The following ALG12 variants were observed in gnomAD, a reference collection of about 807,000 sequenced individuals.
The protein encoded by ALG12 is ALG12 alpha-1,6-mannosyltransferase, also known as dol-P-Man:Man(7)GlcNAc(2)-PP-Dol alpha-1,6-mannosyltransferase.
ALG12 carries 36 observed loss-of-function variants against 46.0 expected under a neutral mutation model. The ratio of observed to expected loss-of-function variants is 0.78; its 90% CI spans 0.60 to 1.03. ALG12 has a LOEUF of 1.03. Among genes scored for constraint, ALG12 ranks in the 50% least tolerant of loss-of-function variants. ALG12 has a pLI of 0.00. For missense variants in ALG12, 599 were observed against 633.5 expected (o/e 0.95, Z 0.58); for synonymous variants, 326 against 291.6 (o/e 1.12, Z -1.20).
chr22:49,916,212 C>A (rs2060608421), intron 1 of ALG12, among the ~76,000 whole-genome samples: 1 of 152,106 alleles, frequency 6.6e-6, no homozygotes, highest in Admixed American at 6.6e-5. Flanking sequence ...GAGATCGCGC[C>A]ACTGCACTCC....
At chr22:49,898,274 C>T (rs2060491562), downstream of ALG12, among the ~76,000 whole-genome samples, 1 of 152,198 alleles carries the variant, frequency 6.6e-6, no homozygotes, top group African/African-American at 2.4e-5. Flanking sequence ...TCCCAAAGTA[C>T]TGGGATCGCA....
rs2146626595 is a variant in ALG12, at chr22:49,918,403, A to G, written c.-219T>C. ...AGTGGCTACCGCAGCCCCGGCCGCTACGGCCGCAGAGACCCTCTGTGCCCT... is the reference window on the plus strand; with the variant it reads ...AGTGGCTACCGCAGCCCCGGCCGCTGCGGCCGCAGAGACCCTCTGTGCCCT... On this transcript the variant is annotated 5_prime_UTR_variant, in exon 1 of 10. Transcript: ENST00000330817. 5.8e-6 allele frequency: 1 copy of G among 172,012 alleles called. No homozygotes were observed. Among genetic ancestry groups the G allele is most frequent in the Admixed American group, 6.3e-5 (1 of 15,882 alleles). 10.7% of individuals were successfully genotyped at this position (172,012 alleles called of 1,614,324 possible).
intron 3 of ALG12, among the ~76,000 whole-genome samples, chr22:49,910,818 G>A (rs1394570464): frequency 2.0e-5 from 3 of 152,238 alleles, no homozygotes; most frequent in Non-Finnish European, 1.5e-5. Context: ...CGCTCCTGTC[G>A]GGAACTGAGG....
At chr22:49,873,720 C>T in the ALG12 span, among the ~76,000 whole-genome samples, 1 of 152,180 alleles carries the variant, frequency 6.6e-6, no homozygotes, top group Non-Finnish European at 1.5e-5. Flanking sequence ...GTCTTCCCAC[C>T]TCATCACCCC....
At chr22:49,869,368 G>A in the ALG12 span, among the ~76,000 whole-genome samples, 25 of 152,286 alleles carry the variant, frequency 1.6e-4, no homozygotes, top group Admixed American at 6.5e-4. Flanking sequence ...TATCCACCTC[G>A]GGCCTTTTTG....
chr22:49,871,361 C>T, the ALG12 span, among the ~76,000 whole-genome samples: 6 of 152,044 alleles, frequency 3.9e-5, no homozygotes, highest in Non-Finnish European at 7.4e-5. Flanking sequence ...TGGCACGCAC[C>T]TGTAATCTCA....
At chr22:49,888,563 G>C in the ALG12 span, 1 of 167,264 alleles carries the variant, frequency 6.0e-6, no homozygotes, top group Non-Finnish European at 1.5e-5. Flanking sequence ...ACCCCAGACA[G>C]GGCTCCAGGG....
the ALG12 span, among the ~76,000 whole-genome samples, chr22:49,872,799 G>A: frequency 1.3e-5 from 2 of 151,980 alleles, no homozygotes; most frequent in East Asian, 3.9e-4. Context: ...CTGCCTCCCA[G>A]GTTCAAGCGA....
At chr22:49,896,448 A>G (rs985552937), downstream of ALG12, among the ~76,000 whole-genome samples, 4 of 152,146 alleles carry the variant, frequency 2.6e-5, no homozygotes, top group African/African-American at 9.7e-5. Context: ...TGCCATGTCC[A>G]TGGTCCCAAG....
the ALG12 span, among the ~76,000 whole-genome samples, chr22:49,878,120 C>T: frequency 1.8e-4 from 27 of 152,134 alleles, 2 homozygotes; most frequent in Admixed American, 7.2e-4. Flanking sequence ...TCCTGGCCAA[C>T]GTGGTGAAAC....
the ALG12 span, among the ~76,000 whole-genome samples, chr22:49,890,947 G>A: frequency 0.031 from 4,682 of 151,906 alleles, 216 homozygotes; most frequent in African/African-American, 0.1. Context: ...GGAGAATGGC[G>A]TGAACCTGGG....
chr22:49,909,631 G>A (rs1018845396), intron 5 of ALG12, among the ~76,000 whole-genome samples: 11 of 152,188 alleles, frequency 7.2e-5, no homozygotes, highest in South Asian at 4.1e-4. Flanking sequence ...ACCGCCTGGC[G>A]CAGGGACAAG....
At chr22:49,889,722 C>T in the ALG12 span, 2 of 167,334 alleles carry the variant, frequency 1.2e-5, no homozygotes, top group South Asian at 2.1e-4. Context: ...TGCTGACAGT[C>T]CTGCAGGAAG....
chr22:49,909,948 C>T lies in ALG12; in HGVS notation c.610G>A (p.Val204Ile), dbSNP rs779494077. ...LLLLALGNRKVSVVRALRHAV... is the reference protein window; with the variant it reads ...LLLLALGNRKISVVRALRHAV... ...TGGCGAAGGGCTCTGACTACAGAAA[C>T]CTTTCGGTTGCCCAAGGCCAGCAGC... The change falls in exon 5 of 10, where the codon GTT becomes ATT. Residue 204 changes from valine (V) to isoleucine (I), a missense_variant. Val to Ile is a conservative substitution (Grantham distance 29, BLOSUM62 3). Transcript: ENST00000330817. The T allele has an allele frequency of 1.2e-6, 2 of 1,614,104 alleles. No homozygotes were observed. Among genetic ancestry groups the T allele is most frequent in the Non-Finnish European group, 1.7e-6 (2 of 1,179,994 alleles).
the ALG12 span, chr22:49,884,335 G>A: frequency 6.2e-7 from 1 of 1,613,648 alleles, no homozygotes; most frequent in Admixed American, 1.7e-5. Flanking sequence ...AATAACAGAG[G>A]AGTCTGTGTC....
At chr22:49,881,589 C>T in the ALG12 span, among the ~76,000 whole-genome samples, 2 of 152,196 alleles carry the variant, frequency 1.3e-5, no homozygotes, top group Non-Finnish European at 2.9e-5. Context: ...ATTATTCAGG[C>T]TAGTCTTCAA....
intron 3 of ALG12, among the ~76,000 whole-genome samples, chr22:49,913,168 C>A (rs1569177821): frequency 6.6e-6 from 1 of 152,244 alleles, no homozygotes; most frequent in Non-Finnish European, 1.5e-5. Context: ...GCCGTCACCC[C>A]TAATTTCACA....
chr22:49,887,112 G>C, the ALG12 span: 4 of 1,613,136 alleles, frequency 2.5e-6, no homozygotes, highest in Non-Finnish European at 3.4e-6. Flanking sequence ...CCAGGCTCAT[G>C]ATGGAACATT....
At chr22:49,911,394 A>T (rs917720259) in intron 3 of ALG12, among the ~76,000 whole-genome samples, 17 of 151,332 alleles carry the variant, frequency 1.1e-4, no homozygotes, top group Non-Finnish European at 2.5e-4. Context: ...CATACCAGGC[A>T]TTTTCTTTTC....
Sources: gnomAD v4.1 joint callset for allele counts (sites outside exome capture counted in the v4.1 genomes callset) on GRCh38, gnomAD v4.1.1 for gene constraint, MANE v1.5 for transcripts, NCBI Gene and HGNC (gene_info 2026-07-23, HGNC 2026-07-21) for gene names.